Variants in CSMD1 observed in about 807,000 individuals in gnomAD.
The protein encoded by CSMD1 is CUB and Sushi multiple domains 1.
In CSMD1, 213 loss-of-function variants were observed where a neutral mutation model predicts 417.5. The observed-to-expected ratio is 0.51, with a 90% CI of 0.46 to 0.57. The LOEUF is 0.57. Ranked by LOEUF, CSMD1 falls within the 20% of genes least tolerant of loss-of-function variation. The pLI is 0.00. For missense variants in CSMD1, 6,923 were observed against 4,529.7 expected (o/e 1.53, Z -15.17); for synonymous variants, 2,862 against 1,736.8 (o/e 1.65, Z -16.11).
chr8:4,332,316 T>G (rs1168319572), intron 3 of CSMD1, among the ~76,000 whole-genome samples: 3 of 152,030 alleles, frequency 2.0e-5, no homozygotes, highest in African/African-American at 7.2e-5. Flanking sequence ...TTTCAGTCCT[T>G]TCTCATATGA....
At chr8:3,828,589 T>C (rs1802190218) in intron 5 of CSMD1, among the ~76,000 whole-genome samples, 1 of 152,170 alleles carries the variant, frequency 6.6e-6, no homozygotes, top group Non-Finnish European at 1.5e-5. Flanking sequence ...CTGCAAAGCA[T>C]TCGACAATTT....
chr8:4,637,491 C>T lies in CSMD1; in HGVS notation c.153G>A (p.Gly51=), dbSNP rs34523832. ...AGGTGCAGTTGGCATAGTTCGGATA[C>T]CCGTGAGGAAACCCTGGGCTCTCAA... ...GTIESPGFPH[G]YPNYANCTWI... Residue 51 remains glycine (G), a synonymous_variant, in exon 2 of 70, where the codon GGG becomes GGA. Coordinates refer to ENST00000635120, the MANE Select transcript of CSMD1 (RefSeq NM_033225.6). 7.4e-6 allele frequency: 12 copies of T among 1,613,702 alleles called. No homozygotes were observed. Among genetic ancestry groups the T allele is most frequent in the Admixed American group, 1.7e-5 (1 of 59,982 alleles).
intron 3 of CSMD1, among the ~76,000 whole-genome samples, chr8:4,361,255 G>A (rs910202232): frequency 3.3e-5 from 5 of 152,030 alleles, no homozygotes; most frequent in South Asian, 2.1e-4. Flanking sequence ...AGGAAAAGGC[G>A]TAAAAGAAAA....
intron 11 of CSMD1, among the ~76,000 whole-genome samples, chr8:3,476,805 C>T (rs1034898380): frequency 6.6e-6 from 1 of 151,448 alleles, no homozygotes; most frequent in African/African-American, 2.4e-5. Context: ...GTAATCCCAG[C>T]TACTTGGGAG....
At chr8:4,181,209 C>T (rs565516753) in intron 3 of CSMD1, among the ~76,000 whole-genome samples, 14 of 152,078 alleles carry the variant, frequency 9.2e-5, no homozygotes, top group South Asian at 8.3e-4. Flanking sequence ...CATATAGCAC[C>T]GATGATTTAA....
In CSMD1 at chr8:4,394,143, G is replaced by C. The variant is rs1172118625; in HGVS notation, c.415+25810C>G. Among the ~76,000 whole-genome samples the C allele has an allele frequency of 2.0e-5, 3 of 152,104 alleles. No individual in the cohort carries two copies. The East Asian group carries it at 5.8e-4, about 29-fold the overall frequency. ...ATTATCTTCTAAGTATTATTATTGA[G>C]AGCTTATTCATTTGAACTATCATCC... On this transcript the variant is annotated intron_variant, in intron 3 of 69. Transcript: ENST00000635120.
At chr8:3,977,007 G>A (rs1280542388) in intron 5 of CSMD1, among the ~76,000 whole-genome samples, 1 of 152,192 alleles carries the variant, frequency 6.6e-6, no homozygotes, top group African/African-American at 2.4e-5. Flanking sequence ...GTGGGGGCGT[G>A]AAGGTGCCTG....
intron 11 of CSMD1, among the ~76,000 whole-genome samples, chr8:3,471,466 T>G (rs1193371934): frequency 4.6e-5 from 7 of 152,170 alleles, no homozygotes; most frequent in African/African-American, 1.7e-4. Flanking sequence ...TATATCAAGT[T>G]TGGAATCTGG....
intron 3 of CSMD1, among the ~76,000 whole-genome samples, chr8:4,347,825 C>A (rs1181397883): frequency 7.5e-6 from 1 of 134,158 alleles, no homozygotes; most frequent in African/African-American, 3.3e-5. Flanking sequence ...GATATTATAT[C>A]TTCTCTCGTT....
chr8:3,033,289 T>G (rs1281267305), intron 50 of CSMD1, among the ~76,000 whole-genome samples: 1 of 152,082 alleles, frequency 6.6e-6, no homozygotes, highest in African/African-American at 2.4e-5. Context: ...TATGATAAAA[T>G]TGTTGATAAT....
intron 10 of CSMD1, among the ~76,000 whole-genome samples, chr8:3,566,149 G>C (rs1409867043): frequency 3.9e-5 from 6 of 151,966 alleles, no homozygotes; most frequent in African/African-American, 1.5e-4. Context: ...AGAAAGAGGA[G>C]AGGAGGCAAA....
At chr8:4,779,506 C>T (rs966523264) in intron 1 of CSMD1, among the ~76,000 whole-genome samples, 8 of 151,980 alleles carry the variant, frequency 5.3e-5, no homozygotes, top group African/African-American at 1.7e-4. Context: ...GAGTCCTAAA[C>T]CCAATGCAGT....
chr8:4,823,603 C>G (rs1056831494), intron 1 of CSMD1, among the ~76,000 whole-genome samples: 5 of 151,906 alleles, frequency 3.3e-5, no homozygotes, highest in African/African-American at 1.2e-4. Flanking sequence ...TTTGCCCACT[C>G]AAACATACAT....
chr8:3,988,110 T>C (rs534537026), intron 5 of CSMD1, among the ~76,000 whole-genome samples: 2 of 152,298 alleles, frequency 1.3e-5, no homozygotes, highest in South Asian at 2.1e-4. Flanking sequence ...TTATACCCTT[T>C]TGATGTCACC....
intron 3 of CSMD1, among the ~76,000 whole-genome samples, chr8:4,217,163 G>A (rs989856849): frequency 1.3e-5 from 2 of 152,148 alleles, no homozygotes; most frequent in Admixed American, 6.5e-5. Flanking sequence ...AATAACTACT[G>A]AATACTTTTC....
Position 4,221,359 on chromosome 8 carries a change from A to ATC in CSMD1, c.416-189262_416-189261dup, listed in dbSNP as rs558187433. ...ATGTTTCAAAGGCACAAAGAAGCCC[A>ATC]TCTCTACAAGGAAAGTGAGAAAAAA... On this transcript the variant is annotated intron_variant, in intron 3 of 69. Transcript: ENST00000635120. Among the ~76,000 whole-genome samples, 67 of 146,458 alleles carry ATC rather than the reference A, an allele frequency of 4.6e-4. 2 individuals are homozygous for ATC. The South Asian group carries it at 0.015, about 32-fold the overall frequency.
intron 1 of CSMD1, among the ~76,000 whole-genome samples, chr8:4,768,295 C>G (rs1796421855): frequency 6.6e-6 from 1 of 152,008 alleles, no homozygotes; most frequent in Non-Finnish European, 1.5e-5. Flanking sequence ...TAAGAACCCA[C>G]CACACTCATT....
At chr8:3,520,733 G>C (rs1016716174) in intron 10 of CSMD1, among the ~76,000 whole-genome samples, 3 of 151,708 alleles carry the variant, frequency 2.0e-5, no homozygotes, top group Non-Finnish European at 2.9e-5. Context: ...CTTTTTTTGT[G>C]TGTATATCCT....
intron 5 of CSMD1, among the ~76,000 whole-genome samples, chr8:3,885,122 T>C (rs925632232): frequency 4.6e-5 from 7 of 152,068 alleles, no homozygotes; most frequent in Non-Finnish European, 8.8e-5. Flanking sequence ...TTGTCGAAAC[T>C]GTGTACCTCA....
Sources: gnomAD v4.1 joint callset for allele counts (sites outside exome capture counted in the v4.1 genomes callset) on GRCh38, gnomAD v4.1.1 for gene constraint, MANE v1.5 for transcripts, NCBI Gene and HGNC (gene_info 2026-07-23, HGNC 2026-07-21) for gene names.